Variants in NF2 observed in about 807,000 individuals in gnomAD.
NF2 encodes NF2, moesin-ezrin-radixin like (MERLIN) tumor suppressor.
In NF2, 8 loss-of-function variants were observed where a neutral mutation model predicts 83.7. The ratio of observed to expected loss-of-function variants is 0.10; its 90% CI spans 0.06 to 0.17. NF2 has a LOEUF of 0.17. NF2 is among the 10% of genes least tolerant of loss of function. The probability of loss-of-function intolerance (pLI) is 1.00; values close to 1 mark genes in which losing one functional copy is unlikely to be tolerated. For synonymous variants in NF2, 266 were observed against 269.6 expected (o/e 0.99, Z 0.13); for missense variants, 533 against 744.4 (o/e 0.72, Z 3.31).
At chr22:29,673,151 C>T in intron 11 of NF2, 118 bp from the exon 12 acceptor site, 1 of 1,117,298 alleles carries the variant, frequency 9.0e-7, no homozygotes, top group Non-Finnish European at 1.3e-6. Context: ...GGAGGGCACT[C>T]AGCAGCAGGG....
In NF2 at chr22:29,698,547, G is replaced by T. The variant is rs1010935085; in HGVS notation, c.*3745G>T. 5.2e-6 allele frequency: 1 copy of T among 193,148 alleles called. No homozygotes were observed. Among genetic ancestry groups the T allele is most frequent in the African/African-American group, 2.3e-5 (1 of 43,172 alleles). 12.0% of individuals were successfully genotyped at this position (193,148 alleles called of 1,614,324 possible). On this transcript the variant is annotated 3_prime_UTR_variant, in exon 16 of 16. Coordinates refer to ENST00000338641, the MANE Select transcript of NF2 (RefSeq NM_000268.4). ...CATAGAAGGCTATTTTCTATTCTGG[G>T]GAACGATTATAACTTAAATGATTGT...
At chr22:29,632,587 C>T (rs1427529594) in intron 1 of NF2, among the ~76,000 whole-genome samples, 1 of 152,190 alleles carries the variant, frequency 6.6e-6, no homozygotes, top group African/African-American at 2.4e-5. Flanking sequence ...CCCCATTTGT[C>T]CCCTGCACCT....
rs1345343130 is a variant in NF2 at position 29,698,125 on chromosome 22, C to T, written c.*3323C>T. On this transcript the variant is annotated 3_prime_UTR_variant, in exon 16 of 16. Coordinates refer to ENST00000338641, the MANE Select transcript of NF2 (RefSeq NM_000268.4). ...GCTTCGTTCATCCTGATCAAGGCCC[C>T]ACCTCAGCCACAGCAGTCCCCCCAA... The T allele has an allele frequency of 4.3e-6, 1 of 232,058 alleles. No individual in the cohort carries two copies. Among genetic ancestry groups the T allele is most frequent in the Non-Finnish European group, 8.5e-6 (1 of 117,270 alleles). The allele number at this position is 232,058 out of a possible 1,614,324, so 14.4% of individuals were successfully genotyped here.
chr22:29,662,231 C>T (rs1387679736), intron 8 of NF2, among the ~76,000 whole-genome samples: 1 of 152,184 alleles, frequency 6.6e-6, no homozygotes, highest in Non-Finnish European at 1.5e-5. Context: ...CCTCCCTGGG[C>T]TCAGGTGATC....
Position 29,695,082 on chromosome 22 carries a change from C to T in NF2, c.*280C>T, listed in dbSNP as rs576785860. The stretch of plus-strand genomic sequence containing the variant: ...TTGTCTAATGTGGGATTCCTGACTC[C>T]CTTCGTCCAAGGCACCGGTGTGTGT... On this transcript the variant is annotated 3_prime_UTR_variant, in exon 16 of 16. Coordinates refer to ENST00000338641, the MANE Select transcript of NF2 (RefSeq NM_000268.4). This position sits in a 1 kb window ranked among gnomAD's most constrained non-coding sequence, Gnocchi z 5.4. 1 of 551,258 alleles carries T rather than the reference C, an allele frequency of 1.8e-6. No individual in the cohort carries two copies. The highest frequency in any genetic ancestry group is 2.0e-5 in the South Asian group (1 of 49,304). The allele number at this position is 551,258 out of a possible 1,614,324, so 34.1% of individuals were successfully genotyped here. A position where few individuals can be genotyped will look rare whatever the true frequency, so the allele number is the denominator to read the frequency against.
At chr22:29,624,074 A>G (rs1178314585) in intron 1 of NF2, among the ~76,000 whole-genome samples, 1 of 152,232 alleles carries the variant, frequency 6.6e-6, no homozygotes, top group Non-Finnish European at 1.5e-5. Context: ...CCCTGATGGA[A>G]GGGGTAAATT....
rs1341371726 is a variant in NF2 at position 29,694,776 on chromosome 22, C to T, written c.1762C>T (p.Arg588Ter). 10 of 1,613,766 alleles carry T rather than the reference C, an allele frequency of 6.2e-6. No individual in the cohort carries two copies. The highest frequency in any genetic ancestry group is 1.3e-5 in the African/African-American group (1 of 75,014). Reference sequence around the variant, plus strand: ...GCTCACCTTGCAGAGCGCCAAGTCCCGAGTGGCCTTCTTTGAAGAGCTCTA... The same window carrying T: ...GCTCACCTTGCAGAGCGCCAAGTCCTGAGTGGCCTTCTTTGAAGAGCTCTA... ...KKLTLQSAKSRVAFFEEL is the reference protein window; with the variant it reads ...KKLTLQSAKS The change falls in exon 16 of 16, where the codon CGA (arginine) becomes TGA (stop). Residue 588 changes from arginine (R) to a stop codon, truncating the protein, a stop_gained. Transcript: ENST00000338641. LOFTEE classifies it high-confidence loss of function. The surrounding 1 kb of genome is among the most constrained non-coding windows in gnomAD (Gnocchi z 4.1).
At chr22:29,657,517 G>A (rs755559902) in intron 6 of NF2, among the ~76,000 whole-genome samples, 1 of 152,162 alleles carries the variant, frequency 6.6e-6, no homozygotes, top group African/African-American at 2.4e-5. Context: ...GTTCTCTCAG[G>A]CTGGGTTTTT....
At chr22:29,652,739 T>C (rs184006139) in intron 4 of NF2, among the ~76,000 whole-genome samples, 175 of 152,302 alleles carry the variant, frequency 1.1e-3, no homozygotes, top group Non-Finnish European at 2.0e-3. Flanking sequence ...ACATAGCTAC[T>C]ATGTGAAAGA....
chr22:29,618,757 C>CA (rs2065137227), intron 1 of NF2, among the ~76,000 whole-genome samples: 1 of 152,192 alleles, frequency 6.6e-6, no homozygotes, highest in Admixed American at 6.5e-5. Flanking sequence ...TAAATGTTTT[C>CA]ACATACCTAA....
intron 12 of NF2, 139 bp from the exon 13 acceptor site, chr22:29,674,697 C>T (rs1365078138): frequency 2.8e-6 from 2 of 721,452 alleles, no homozygotes; most frequent in East Asian, 5.5e-5. Context: ...GTAAATATCC[C>T]TGTCTCACTG....
intron 1 of NF2, among the ~76,000 whole-genome samples, chr22:29,627,338 A>G (rs1233824760): frequency 1.3e-5 from 2 of 152,130 alleles, no homozygotes; most frequent in Non-Finnish European, 1.5e-5. Flanking sequence ...TGACTATATG[A>G]GCTATGATTG....
intron 6 of NF2, 33 bp downstream of exon 6, chr22:29,655,709 T>G: frequency 1.3e-6 from 2 of 1,552,904 alleles, no homozygotes; most frequent in Admixed American, 1.8e-5. Flanking sequence ...TTACATTCCT[T>G]TATGGGCTTT....
At chr22:29,639,519 G>C (rs1181056114) in intron 3 of NF2, among the ~76,000 whole-genome samples, 1 of 152,124 alleles carries the variant, frequency 6.6e-6, no homozygotes, top group Non-Finnish European at 1.5e-5. Flanking sequence ...GTACTCAATA[G>C]TTTCAAAGGA....
intron 15 of NF2, among the ~76,000 whole-genome samples, chr22:29,684,366 T>C (rs2067222899): frequency 6.6e-6 from 1 of 151,240 alleles, no homozygotes; most frequent in African/African-American, 2.4e-5. Flanking sequence ...GGACCCACCT[T>C]GGTTTACTGA....
At chr22:29,633,591 A>G (rs934034585) in intron 1 of NF2, among the ~76,000 whole-genome samples, 2 of 152,092 alleles carry the variant, frequency 1.3e-5, no homozygotes, top group Middle Eastern at 3.4e-3. Context: ...GGAGCCTATG[A>G]CTCGTCTGCT....
chr22:29,689,144 AG>A (rs1475607543), intron 15 of NF2, among the ~76,000 whole-genome samples: 1 of 139,896 alleles, frequency 7.1e-6, no homozygotes, highest in African/African-American at 2.7e-5. Context: ...GCGCCACTGC[AG>A]TTCAGCCTGG....
In NF2 at chr22:29,682,966, G is replaced by A. The variant is rs190983513; in HGVS notation, c.1737+1365G>A. 9.7e-5 allele frequency: 155 copies of A among 1,605,750 alleles called. No individual in the cohort carries two copies. The East Asian group carries it at 2.8e-3, about 29-fold the overall frequency. ...TTTTGCAGATGGCACTTATGGCATT[G>A]TTGATATCACAGGGTATGTTTTTGT... On this transcript the variant is annotated intron_variant, in intron 15 of 15. Transcript: ENST00000338641.
chr22:29,645,646 G>A (rs2065963299), intron 4 of NF2, among the ~76,000 whole-genome samples: 1 of 152,142 alleles, frequency 6.6e-6, no homozygotes, highest in Non-Finnish European at 1.5e-5. Flanking sequence ...CCCAGCGAGA[G>A]CAGACCCAGC....
Sources: gnomAD v4.1 joint callset for allele counts (sites outside exome capture counted in the v4.1 genomes callset) on GRCh38, gnomAD v4.1.1 for gene constraint, Gnocchi (gnomAD v3.1) non-coding constraint, MANE v1.5 for transcripts, NCBI Gene and HGNC (gene_info 2026-07-23, HGNC 2026-07-21) for gene names.